The following ZNF521 variants were observed in gnomAD, a reference collection of about 807,000 sequenced individuals.
The protein encoded by ZNF521 is zinc finger protein 521, also known as LYST-interacting protein 3.
A neutral mutation model predicts 105.5 loss-of-function variants in ZNF521; 14 were observed. That is an observed-to-expected ratio of 0.13 (90% CI 0.09 to 0.21). The LOEUF (loss-of-function observed/expected upper bound fraction) is 0.21, where lower values mean the gene tolerates loss of function less well. ZNF521 is among the 10% of genes least tolerant of loss of function. The pLI is 1.00. For missense variants in ZNF521, 1,233 were observed against 1,629.7 expected (o/e 0.76, Z 4.19); for synonymous variants, 635 against 606.0 (o/e 1.05, Z -0.70).
chr18:25,120,605 A>C (rs2034418779), intron 5 of ZNF521, among the ~76,000 whole-genome samples: 1 of 94,908 alleles, frequency 1.1e-5, no homozygotes, highest in African/African-American at 4.3e-5. Context: ...AAAAAAAACC[A>C]CAAACAAACA....
In ZNF521 at chr18:25,146,767, C is replaced by G. The variant is rs1032241657; in HGVS notation, c.3658+48393G>C. The stretch of plus-strand genomic sequence containing the variant: ...CAAGTCCTCTTCCTCCTTGATGACT[C>G]GGTGGTATAAAATGCATTGCTCTCC... On this transcript the variant is annotated intron_variant, in intron 5 of 7. Coordinates refer to ENST00000361524, the MANE Select transcript of ZNF521 (RefSeq NM_015461.3). Among the ~76,000 whole-genome samples, 4 of 151,688 alleles carry G rather than the reference C, an allele frequency of 2.6e-5. No homozygotes were observed. In the East Asian group the frequency reaches 5.8e-4, roughly 22 times the overall value.
intron 4 of ZNF521, among the ~76,000 whole-genome samples, chr18:25,221,106 C>G (rs1287380844): frequency 2.0e-5 from 3 of 152,136 alleles, no homozygotes; most frequent in Non-Finnish European, 4.4e-5. Flanking sequence ...TTATTCAAAA[C>G]AAAATCTTCA....
chr18:25,286,518 C>T (rs965743548), intron 3 of ZNF521, among the ~76,000 whole-genome samples: 2 of 152,128 alleles, frequency 1.3e-5, no homozygotes, highest in African/African-American at 4.8e-5. Context: ...CCATTCTTCT[C>T]AATTGAAACA....
At chr18:25,297,462 T>C (rs1262978988) in intron 3 of ZNF521, among the ~76,000 whole-genome samples, 1 of 152,152 alleles carries the variant, frequency 6.6e-6, no homozygotes, top group African/African-American at 2.4e-5. Flanking sequence ...CACGCAGATA[T>C]TAAAATAAAT....
At chr18:25,330,738 A>G (rs1473810736) in intron 2 of ZNF521, among the ~76,000 whole-genome samples, 6 of 152,234 alleles carry the variant, frequency 3.9e-5, no homozygotes, top group Non-Finnish European at 7.3e-5. Flanking sequence ...TTCATCAGAC[A>G]AAGTCAAAAC....
intron 4 of ZNF521, among the ~76,000 whole-genome samples, chr18:25,217,884 C>T (rs770799025): frequency 5.3e-5 from 8 of 152,112 alleles, no homozygotes; most frequent in Middle Eastern, 3.2e-3. Context: ...GGCTCATAGA[C>T]GGCCTTCTAG....
At chr18:25,287,011 T>G (rs1480338968) in intron 3 of ZNF521, among the ~76,000 whole-genome samples, 1 of 152,206 alleles carries the variant, frequency 6.6e-6, no homozygotes, top group African/African-American at 2.4e-5. Context: ...GGACCAGACA[T>G]GGACTTTGGG....
chr18:25,232,753 C>T lies in ZNF521; in HGVS notation c.221-5056G>A, dbSNP rs576980050. 4.6e-5 allele frequency among the ~76,000 whole-genome samples: 7 copies of T among 152,296 alleles called. No homozygotes were observed. In the East Asian group the frequency reaches 7.7e-4, roughly 17 times the overall value. On this transcript the variant is annotated intron_variant, in intron 3 of 7. Coordinates refer to ENST00000361524, the MANE Select transcript of ZNF521 (RefSeq NM_015461.3). The stretch of plus-strand genomic sequence containing the variant: ...TTATACCTCTCTTCTCCTTAAAACA[C>T]GAGCAATACAATCATTGCATTATTT...
rs1363546947 is a variant in ZNF521 at position 25,205,169 on chromosome 18, AAAT to A, written c.3574-9928_3574-9926del. On this transcript the variant is annotated intron_variant, in intron 4 of 7. Coordinates refer to ENST00000361524, the MANE Select transcript of ZNF521 (RefSeq NM_015461.3). Reference sequence around the variant, plus strand: ...AAAAAAAAAAAAAAAAAAAAAAAAAAAATTACCAGAGCATGTGCTAATTATTTT... The same window carrying A: ...AAAAAAAAAAAAAAAAAAAAAAAAAATACCAGAGCATGTGCTAATTATTTT... Among the ~76,000 whole-genome samples, 5 of 150,294 alleles carry A rather than the reference AAAT, an allele frequency of 3.3e-5. No individual in the cohort carries two copies. The East Asian group carries it at 9.7e-4, about 29-fold the overall frequency.
chr18:25,195,369 G>A, intron 4 of ZNF521, 125 bp from the exon 5 acceptor site: 1 of 676,402 alleles, frequency 1.5e-6, no homozygotes. Context: ...TAAACTACAG[G>A]GCCCCTTGGC....
chr18:25,276,137 A>G (rs1910020486), intron 3 of ZNF521, among the ~76,000 whole-genome samples: 1 of 152,266 alleles, frequency 6.6e-6, no homozygotes, highest in Admixed American at 6.5e-5. Context: ...ATCACAGAAA[A>G]TGATCACTAT....
chr18:25,084,787 T>C (rs2033584666), intron 7 of ZNF521, among the ~76,000 whole-genome samples: 1 of 152,184 alleles, frequency 6.6e-6, no homozygotes, highest in South Asian at 2.1e-4. Flanking sequence ...GATTTGATCA[T>C]TGCCATCCAA....
chr18:25,260,501 C>T (rs1908832393), intron 3 of ZNF521, among the ~76,000 whole-genome samples: 1 of 152,094 alleles, frequency 6.6e-6, no homozygotes, highest in Admixed American at 6.5e-5. Flanking sequence ...GCATCTTCAT[C>T]TGGAAAACAT....
At chr18:25,091,155 TC>T (rs1252312282) in intron 6 of ZNF521, among the ~76,000 whole-genome samples, 1 of 152,088 alleles carries the variant, frequency 6.6e-6, no homozygotes, top group Non-Finnish European at 1.5e-5. Context: ...GGATATATTC[TC>T]CCTCCTCCAA....
chr18:25,100,716 T>C (rs1264664949), intron 5 of ZNF521, among the ~76,000 whole-genome samples: 1 of 152,024 alleles, frequency 6.6e-6, no homozygotes, highest in Non-Finnish European at 1.5e-5. Context: ...ATAAACGCAA[T>C]AAGATTTCTA....
chr18:25,351,837 G>A (rs955570992), intron 1 of ZNF521, 168 bp downstream of exon 1: 10 of 170,942 alleles, frequency 5.8e-5, no homozygotes, highest in Non-Finnish European at 1.1e-4. Context: ...GCCGGCGGCT[G>A]GCGCTGGACC....
intron 3 of ZNF521, among the ~76,000 whole-genome samples, chr18:25,284,911 C>T (rs1341604473): frequency 9.5e-6 from 1 of 104,750 alleles, no homozygotes. Context: ...TGCGCGCGCG[C>T]ACACACACAC....
At chr18:25,139,413 C>T (rs1327906682) in intron 5 of ZNF521, among the ~76,000 whole-genome samples, 1 of 134,704 alleles carries the variant, frequency 7.4e-6, no homozygotes, top group African/African-American at 2.8e-5. Flanking sequence ...GACAATAAGC[C>T]TTTAAGAGCA....
chr18:25,088,289 C>T (rs969229831), intron 7 of ZNF521, among the ~76,000 whole-genome samples: 1 of 149,362 alleles, frequency 6.7e-6, no homozygotes, highest in African/African-American at 2.5e-5. Context: ...GATCTCGGCT[C>T]ACCGCAAGCT....
Sources: allele counts gnomAD v4.1 joint callset (sites outside exome capture counted in the v4.1 genomes callset), GRCh38; gene constraint gnomAD v4.1.1; transcripts MANE v1.5; gene names NCBI Gene and HGNC (gene_info 2026-07-23, HGNC 2026-07-21).